The following CCKAR variants were observed in gnomAD, a reference collection of about 807,000 sequenced individuals.
CCKAR encodes cholecystokinin A receptor.
Under a neutral mutation model 29.8 loss-of-function variants are expected in CCKAR, and 21 were observed. The observed-to-expected ratio is 0.70, with a 90% CI of 0.50 to 1.01. CCKAR has a LOEUF of 1.01. Ranked by LOEUF, CCKAR falls within the 50% of genes least tolerant of loss-of-function variation. The probability of loss-of-function intolerance (pLI) is 0.00; values close to 1 mark genes in which losing one functional copy is unlikely to be tolerated. For synonymous variants in CCKAR, 238 were observed against 221.3 expected (o/e 1.08, Z -0.67); for missense variants, 570 against 560.6 (o/e 1.02, Z -0.17).
intron 1 of CCKAR, 101 bp downstream of exon 1, chr4:26,490,055 C>A: frequency 1.4e-6 from 1 of 728,304 alleles, no homozygotes; most frequent in South Asian, 1.7e-5. Context: ...CCTTGTCTCA[C>A]AATGACTTGG....
chr4:26,489,241 T>G lies in CCKAR; in HGVS notation c.356A>C (p.Tyr119Ser). Residue 119 changes from tyrosine to serine, a missense_variant, in exon 2 of 5, where the codon TAC becomes TCC. Physicochemically the swap from Tyr to Ser is moderately radical, Grantham distance 144 (BLOSUM62 -2). Coordinates refer to ENST00000295589, the MANE Select transcript of CCKAR (RefSeq NM_000730.3). ...FGSAVCKTTT[Y>S]FMGTSVSVST... is the part of the protein sequence containing the mutation. ...CACCAGCAGCAACTTACCCATGAAG[T>G]AGGTGGTGGTCTTGCAAACGGCGCT... 6.2e-7 allele frequency: 1 copy of G among 1,613,796 alleles called. No homozygotes were observed. Among genetic ancestry groups the G allele is most frequent in the Middle Eastern group, 1.6e-4 (1 of 6,062 alleles).
chr4:26,489,482 A>G lies in CCKAR; in HGVS notation c.115T>C (p.Trp39Arg), dbSNP rs377562256. 1 of 1,613,394 alleles carries G rather than the reference A, an allele frequency of 6.2e-7. No individual in the cohort carries two copies. The highest frequency in any genetic ancestry group is 8.5e-7 in the Non-Finnish European group (1 of 1,179,432). The change falls in exon 2 of 5, where the codon TGG becomes CGG. Residue 39 changes from tryptophan (W) to arginine (R), a missense_variant and splice_region_variant. Trp to Arg is a moderately radical substitution (Grantham distance 101, BLOSUM62 -3). Coordinates refer to ENST00000295589, the MANE Select transcript of CCKAR (RefSeq NM_000730.3). ...CLDQPRPSKE[W>R]QPAVQILLYS... The stretch of plus-strand genomic sequence containing the variant: ...AAGAGAATCTGCACCGCTGGCTGCC[A>G]CTCTGCAGAGAGAAACAGGAGCAAG...
At position 26,489,394 on chromosome 4, in the gene CCKAR, C is replaced by G; in HGVS notation, c.203G>C (p.Arg68Pro). The G allele has an allele frequency of 6.2e-7, 1 of 1,614,138 alleles. No homozygotes were observed. Among genetic ancestry groups the G allele is most frequent in the Non-Finnish European group, 8.5e-7 (1 of 1,180,034 alleles). The change falls in exon 2 of 5, where the codon CGG becomes CCG. Residue 68 changes from arginine to proline, a missense_variant. Coordinates refer to ENST00000295589, the MANE Select transcript of CCKAR (RefSeq NM_000730.3). ...GNTLVITVLIRNKRMRTVTNI... is the reference protein window; with the variant it reads ...GNTLVITVLIPNKRMRTVTNI... ...GGTGACCGTCCGCATCCGCTTGTTC[C>G]GAATCAGCACGGTGATGACCAGCGT...
intron 2 of CCKAR, among the ~76,000 whole-genome samples, chr4:26,487,882 T>C (rs1737479135): frequency 6.6e-6 from 1 of 152,160 alleles, no homozygotes; most frequent in African/African-American, 2.4e-5. Context: ...TATTGCTTCA[T>C]TATTTAACAA....
rs772585152 is a variant in CCKAR at position 26,481,947 on chromosome 4, C to G, written c.978G>C (p.Trp326Cys). The change falls in exon 5 of 5, where the codon TGG (tryptophan) becomes TGC (cysteine). Residue 326 changes from tryptophan to cysteine, a missense_variant. Transcript: ENST00000295589. ...AGGCGTTGGCGCTGAAGATGGGCAT[C>G]CAGCACAGGAAGAAGAGGACCACGA... ...IVIVVLFFLC[W>C]MPIFSANAWR... 8 of 1,614,248 alleles carry G rather than the reference C, an allele frequency of 5.0e-6. No individual in the cohort carries two copies. The highest frequency in any genetic ancestry group is 6.8e-6 in the Non-Finnish European group (8 of 1,180,040).
At chr4:26,490,104 C>A in intron 1 of CCKAR, 52 bp downstream of exon 1, 1 of 1,193,320 alleles carries the variant, frequency 8.4e-7, no homozygotes. Context: ...TTGCTGATTT[C>A]TCCCACAACT....
At position 26,482,189 on chromosome 4, in the gene CCKAR, T is replaced by A; in HGVS notation, c.755-19A>T. 2 of 1,589,524 alleles carry A rather than the reference T, an allele frequency of 1.3e-6. No homozygotes were observed. The highest frequency in any genetic ancestry group is 1.1e-5 in the South Asian group (1 of 86,986). Reference sequence around the variant, plus strand: ...TTCCTTTCTGGGTGGGCAAGAGACATCACTCATTGCTGGGGATGGGTCATG... The same window carrying A: ...TTCCTTTCTGGGTGGGCAAGAGACAACACTCATTGCTGGGGATGGGTCATG... On this transcript the variant is annotated intron_variant, in intron 4 of 4. Coordinates refer to ENST00000295589, the MANE Select transcript of CCKAR (RefSeq NM_000730.3).
chr4:26,486,880 C>T (rs1001672970), intron 2 of CCKAR, among the ~76,000 whole-genome samples: 13 of 152,200 alleles, frequency 8.5e-5, no homozygotes, highest in Non-Finnish European at 1.9e-4. Context: ...CACCACTGCA[C>T]CCCAGCCTGG....
Position 26,481,512 on chromosome 4 carries a change from T to C in CCKAR, c.*126A>G. 1 of 1,009,980 alleles carries C rather than the reference T, an allele frequency of 9.9e-7. No homozygotes were observed. Among genetic ancestry groups the C allele is most frequent in the Non-Finnish European group, 1.5e-6 (1 of 666,014 alleles). The allele number at this position is 1,009,980 out of a possible 1,614,324, so 62.6% of individuals were successfully genotyped here. A position where few individuals can be genotyped will look rare whatever the true frequency, so the allele number is the denominator to read the frequency against. The stretch of plus-strand genomic sequence containing the variant: ...AGGATGAAAAGCAGACCTTGAAGAG[T>C]TCCCACTGGAGATGGAGCCTTCCTT... On this transcript the variant is annotated 3_prime_UTR_variant, in exon 5 of 5. Coordinates refer to ENST00000295589, the MANE Select transcript of CCKAR (RefSeq NM_000730.3).
At chr4:26,483,713 C>T (rs557290090) in intron 3 of CCKAR, among the ~76,000 whole-genome samples, 1 of 152,232 alleles carries the variant, frequency 6.6e-6, no homozygotes, top group African/African-American at 2.4e-5. Context: ...CTCATAATAA[C>T]CATTGAGGTA....
chr4:26,482,073 C>T lies in CCKAR; in HGVS notation c.852G>A (p.Gln284=). Residue 284 remains glutamine (Q), a synonymous_variant, in exon 5 of 5, where the codon CAG becomes CAA. Coordinates refer to ENST00000295589, the MANE Select transcript of CCKAR (RefSeq NM_000730.3). ...TRPPRKLELR[Q]LSTGSSSRAN... is the part of the protein sequence containing the mutation. ...CCCTGCTGCTGCTGCCGGTGGACAG[C>T]TGCCGGAGCTCCAGCTTCCTCGGGG... The T allele has an allele frequency of 6.2e-7, 1 of 1,614,236 alleles. No individual in the cohort carries two copies. Among genetic ancestry groups the T allele is most frequent in the Non-Finnish European group, 8.5e-7 (1 of 1,180,050 alleles).
At chr4:26,484,213 G>A (rs1737402231) in intron 3 of CCKAR, among the ~76,000 whole-genome samples, 1 of 152,350 alleles carries the variant, frequency 6.6e-6, no homozygotes, top group South Asian at 2.1e-4. Flanking sequence ...GAGGCTCATG[G>A]TGGCTGGGCC....
intron 2 of CCKAR, 98 bp from the exon 3 acceptor site, chr4:26,485,996 C>A: frequency 2.0e-6 from 2 of 995,146 alleles, no homozygotes; most frequent in Non-Finnish European, 1.5e-6. Flanking sequence ...GGTTTGATAT[C>A]AAAGGAAAAC....
In CCKAR at chr4:26,481,791, G is replaced by C; in HGVS notation, c.1134C>G (p.Arg378=). ...IIYCFMNKRF[R]LGFMATFPCC... ...AGGGGAAGGTGGCCATGAAGCCGAG[G>C]CGGAAGCGTTTGTTCATGAAGCAGT... is the stretch of plus-strand genomic sequence containing the variant. The change falls in exon 5 of 5, where the codon CGC becomes CGG. Residue 378 remains arginine (R), a synonymous_variant. Coordinates refer to ENST00000295589, the MANE Select transcript of CCKAR (RefSeq NM_000730.3). 1 of 1,614,044 alleles carries C rather than the reference G, an allele frequency of 6.2e-7. No individual in the cohort carries two copies. Among genetic ancestry groups the C allele is most frequent in the Non-Finnish European group, 8.5e-7 (1 of 1,179,962 alleles).
chr4:26,486,824 G>A (rs554101596), intron 2 of CCKAR, among the ~76,000 whole-genome samples: 1 of 152,264 alleles, frequency 6.6e-6, no homozygotes, highest in South Asian at 2.1e-4. Flanking sequence ...TGAGGCAGAA[G>A]AATCGCTGGA....
In CCKAR at chr4:26,490,304, G is replaced by A. The variant is rs41267459; in HGVS notation, c.-37C>T. On this transcript the variant is annotated 5_prime_UTR_variant, in exon 1 of 5. Transcript: ENST00000295589. ...GCTTTCCACCAAGTGCTGGAGAGCT[G>A]GTGAATTGCTCACTCCCGGCTCATT... The A allele has an allele frequency of 1.4e-5, 19 of 1,369,980 alleles. No individual in the cohort carries two copies. Among genetic ancestry groups the A allele is most frequent in the Non-Finnish European group, 2.0e-5 (19 of 959,048 alleles). The allele number at this position is 1,369,980 out of a possible 1,614,324, so 84.9% of individuals were successfully genotyped here. A position where few individuals can be genotyped will look rare whatever the true frequency, so the allele number is the denominator to read the frequency against.
In CCKAR at chr4:26,489,386, G is replaced by C. The variant is rs1214773485; in HGVS notation, c.211C>G (p.Arg71Gly). The C allele has an allele frequency of 2.5e-6, 4 of 1,614,162 alleles. No individual in the cohort carries two copies. The East Asian group carries it at 6.7e-5, about 27-fold the overall frequency. ...LVITVLIRNKRMRTVTNIFLL... is the reference protein window; with the variant it reads ...LVITVLIRNKGMRTVTNIFLL... ...AAGATGTTGGTGACCGTCCGCATCC[G>C]CTTGTTCCGAATCAGCACGGTGATG... The change falls in exon 2 of 5, where the codon CGG becomes GGG. Residue 71 changes from arginine (R) to glycine (G), a missense_variant. Coordinates refer to ENST00000295589, the MANE Select transcript of CCKAR (RefSeq NM_000730.3).
chr4:26,486,602 A>G (rs1225093991), intron 2 of CCKAR, among the ~76,000 whole-genome samples: 1 of 152,198 alleles, frequency 6.6e-6, no homozygotes, highest in Non-Finnish European at 1.5e-5. Flanking sequence ...AAGATATTAA[A>G]TGCACCTCAT....
Position 26,490,336 on chromosome 4 carries a change from A to C in CCKAR, c.-69T>G. 10 of 1,046,630 alleles carry C rather than the reference A, an allele frequency of 9.6e-6. No individual in the cohort carries two copies. Among genetic ancestry groups the C allele is most frequent in the Non-Finnish European group, 1.3e-5 (9 of 672,992 alleles). The allele number at this position is 1,046,630 out of a possible 1,614,324, so 64.8% of individuals were successfully genotyped here. A position where few individuals can be genotyped will look rare whatever the true frequency, so the allele number is the denominator to read the frequency against. ...TGCTCACTCCCGGCTCATTCCTCTA[A>C]TGACCGAAGCGTCTCGCAGATGCAA... On this transcript the variant is annotated 5_prime_UTR_variant, in exon 1 of 5. Transcript: ENST00000295589.
Sources: allele counts gnomAD v4.1 joint callset (sites outside exome capture counted in the v4.1 genomes callset), GRCh38; gene constraint gnomAD v4.1.1; transcripts MANE v1.5; gene names NCBI Gene and HGNC (gene_info 2026-07-23, HGNC 2026-07-21).